UQCRH: variants seen among roughly 807,000 people sequenced by gnomAD.
UQCRH encodes cytochrome b-c1 complex subunit 6, mitochondrial.
A neutral mutation model predicts 16.3 loss-of-function variants in UQCRH; 14 were observed. The ratio of observed to expected loss-of-function variants is 0.86; its 90% CI spans 0.57 to 1.34. The LOEUF (loss-of-function observed/expected upper bound fraction) is 1.34, where lower values mean the gene tolerates loss of function less well. Ranked by LOEUF, UQCRH falls within the 40% of genes most tolerant of loss-of-function variation. The probability of loss-of-function intolerance (pLI) is 0.00; values close to 1 mark genes in which losing one functional copy is unlikely to be tolerated. For missense variants in UQCRH, 89 were observed against 111.9 expected, an observed-to-expected ratio of 0.80 and a Z score of 0.92; for synonymous variants, 41 against 41.9, an observed-to-expected ratio of 0.98 and a Z score of 0.08.
Position 46,310,168 on chromosome 1 carries a change from C to G in UQCRH, c.95C>G (p.Thr32Arg). The G allele has an allele frequency of 6.2e-7, 1 of 1,614,182 alleles. No individual in the cohort carries two copies. Among genetic ancestry groups the G allele is most frequent in the Non-Finnish European group, 8.5e-7 (1 of 1,180,040 alleles). The change falls in exon 3 of 4, where the codon ACA becomes AGA. Residue 32 changes from threonine (T) to arginine (R), a missense_variant. Transcript: ENST00000311672. ...EEEELVDPLT[T>R]VREQCEQLEK... ...TTTCTACATCAGGATCCCCTAACAA[C>G]AGTGAGAGAGCAATGCGAGCAGTTG...
At position 46,314,668 on chromosome 1, in the gene UQCRH, C is replaced by T. The variant is rs540120144; in HGVS notation, c.244-1884C>T. ...ACCCTGGGCAACAAGAGCAAAACTC[C>T]GTCTCAAAAAAAAAAAAAAAAAGGA... On this transcript the variant is annotated intron_variant, in intron 3 of 3. Coordinates refer to ENST00000311672, the MANE Select transcript of UQCRH (RefSeq NM_006004.4). Among the ~76,000 whole-genome samples the T allele has an allele frequency of 4.5e-3, 658 of 145,928 alleles. 5 individuals carry two copies. Among genetic ancestry groups the T allele is most frequent in the African/African-American group, 0.016 (626 of 39,472 alleles).
intron 3 of UQCRH, among the ~76,000 whole-genome samples, chr1:46,312,828 T>C (rs564999895): frequency 2.0e-5 from 3 of 152,202 alleles, no homozygotes; most frequent in African/African-American, 4.8e-5. Context: ...TTAAAACTAA[T>C]TGGATGGCCA....
Position 46,316,673 on chromosome 1 carries a change from GTGTAAC to G in UQCRH, c.*95_*100del. ...TGGATGTACCATTTGTTTCTTATTT[GTGTAAC>G]TGTAAGTTCACATGAACCTCATGGG... is the stretch of plus-strand genomic sequence containing the variant. On this transcript the variant is annotated 3_prime_UTR_variant, in exon 4 of 4. Coordinates refer to ENST00000311672, the MANE Select transcript of UQCRH (RefSeq NM_006004.4). 1 of 1,583,042 alleles carries G rather than the reference GTGTAAC, an allele frequency of 6.3e-7. No individual in the cohort carries two copies. The highest frequency in any genetic ancestry group is 1.4e-5 in the African/African-American group (1 of 73,540).
chr1:46,313,188 CAACAT>C (rs1661511743), intron 3 of UQCRH, among the ~76,000 whole-genome samples: 1 of 152,106 alleles, frequency 6.6e-6, no homozygotes, highest in Non-Finnish European at 1.5e-5. Flanking sequence ...AAAGTGGAAA[CAACAT>C]AAGTGTCCAT....
chr1:46,305,126 G>A (rs1026112743), intron 1 of UQCRH, among the ~76,000 whole-genome samples: 13 of 151,580 alleles, frequency 8.6e-5, no homozygotes, highest in African/African-American at 2.9e-4. Flanking sequence ...GACCAGCCTG[G>A]GCAACGTGGC....
intron 1 of UQCRH, among the ~76,000 whole-genome samples, chr1:46,308,149 G>A (rs1661408210): frequency 6.6e-6 from 1 of 152,206 alleles, no homozygotes; most frequent in African/African-American, 2.4e-5. Flanking sequence ...GTGAGATGGT[G>A]TCTCTGTCTT....
chr1:46,303,796 T>C lies in UQCRH; in HGVS notation c.30T>C (p.Leu10=). MGLEDEQKM[L]TESGDPEEEE... ...GACTGGAGGACGAGCAAAAGATGCT[T>C]ACCGAATCCGGAGATCCTGAGGAGG... The change falls in exon 1 of 4, where the codon CTT becomes CTC. Residue 10 remains leucine, a synonymous_variant. Coordinates refer to ENST00000311672, the MANE Select transcript of UQCRH (RefSeq NM_006004.4). The C allele has an allele frequency of 6.2e-7, 1 of 1,614,148 alleles. No homozygotes were observed. Among genetic ancestry groups the C allele is most frequent in the Non-Finnish European group, 8.5e-7 (1 of 1,180,016 alleles).
intron 1 of UQCRH, among the ~76,000 whole-genome samples, chr1:46,307,856 A>C (rs187473722): frequency 2.7e-4 from 41 of 152,306 alleles, no homozygotes; most frequent in Admixed American, 9.2e-4. Context: ...ATTCAAGTTC[A>C]CAGTCTAGAA....
intron 3 of UQCRH, among the ~76,000 whole-genome samples, chr1:46,311,830 G>T (rs1402437729): frequency 6.6e-6 from 1 of 150,520 alleles, no homozygotes; most frequent in Non-Finnish European, 1.5e-5. Context: ...GGGTTTCACT[G>T]TGTTAGCCAA....
chr1:46,315,519 G>A (rs1343213528), intron 3 of UQCRH, among the ~76,000 whole-genome samples: 1 of 150,116 alleles, frequency 6.7e-6, no homozygotes, highest in Non-Finnish European at 1.5e-5. Context: ...ACTTGAACCC[G>A]GGAGGCGGAG....
rs1569688537 is a variant in UQCRH, at chr1:46,309,926, C to T, written c.82-229C>T. 5 of 1,429,648 alleles carry T rather than the reference C, an allele frequency of 3.5e-6. No individual in the cohort carries two copies. In the South Asian group the frequency reaches 5.9e-5, roughly 17 times the overall value. 88.6% of individuals were successfully genotyped at this position (1,429,648 alleles called of 1,614,324 possible). Reference sequence around the variant, plus strand: ...GACTGAGGCTTTCAGTGCATACTGGCAACCTTGGAAGGCAGGAATGTGAAA... The same window carrying T: ...GACTGAGGCTTTCAGTGCATACTGGTAACCTTGGAAGGCAGGAATGTGAAA... On this transcript the variant is annotated intron_variant, in intron 2 of 3. Transcript: ENST00000311672.
At chr1:46,314,531 C>T (rs1661543065) in intron 3 of UQCRH, among the ~76,000 whole-genome samples, 1 of 151,512 alleles carries the variant, frequency 6.6e-6, no homozygotes, top group South Asian at 2.1e-4. Flanking sequence ...ATTGGCTGCG[C>T]ATGGTGGTAT....
chr1:46,315,665 T>C (rs1661571108), intron 3 of UQCRH, among the ~76,000 whole-genome samples: 1 of 151,344 alleles, frequency 6.6e-6, no homozygotes, highest in African/African-American at 2.4e-5. Context: ...GTTAGATGTA[T>C]TTTATCATAA....
intron 2 of UQCRH, 167 bp from the exon 3 acceptor site, chr1:46,309,988 G>A: frequency 6.7e-7 from 1 of 1,482,836 alleles, no homozygotes; most frequent in South Asian, 1.4e-5. Context: ...TTGAATGGGA[G>A]ACCGCATTCT....
rs1661448036 is a variant in UQCRH at position 46,310,386 on chromosome 1, T to G, written c.243+70T>G. On this transcript the variant is annotated intron_variant, in intron 3 of 3. Coordinates refer to ENST00000311672, the MANE Select transcript of UQCRH (RefSeq NM_006004.4). The stretch of plus-strand genomic sequence containing the variant: ...GGGAAGACTTGGTGCCAACAATCTT[T>G]CCATGCTAGGGAAAGGCCCATCAGT... The G allele has an allele frequency of 9.3e-6, 15 of 1,604,318 alleles. No homozygotes were observed. In the Middle Eastern group the frequency reaches 1.0e-3, roughly 107 times the overall value.
At chr1:46,315,451 G>C (rs1479434469) in intron 3 of UQCRH, among the ~76,000 whole-genome samples, 2 of 151,656 alleles carry the variant, frequency 1.3e-5, no homozygotes, top group Admixed American at 6.6e-5. Flanking sequence ...AAAATTAGCT[G>C]AGTGTGGTGG....
intron 3 of UQCRH, among the ~76,000 whole-genome samples, chr1:46,313,391 G>T (rs1041335003): frequency 6.6e-6 from 1 of 152,314 alleles, no homozygotes; most frequent in Middle Eastern, 3.4e-3. Context: ...CCCTTTGGGA[G>T]GCGGAGGCGG....
At position 46,305,298 on chromosome 1, in the gene UQCRH, C is replaced by CAAA. The variant is rs11444271; in HGVS notation, c.54+1499_54+1501dup. 4.9e-3 allele frequency among the ~76,000 whole-genome samples: 317 copies of CAAA among 64,674 alleles called. 7 individuals carry two copies. The highest frequency in any genetic ancestry group is 0.014 in the African/African-American group (210 of 14,868). The allele number at this position is 64,674 out of a possible 152,430, so 42.4% of individuals were successfully genotyped here. A position where few individuals can be genotyped will look rare whatever the true frequency, so the allele number is the denominator to read the frequency against. ...AGGCAACCCGAGTGAGACCCTGTCT[C>CAAA]AAAAAAAAAAAAAAAAAAAAAAACT... On this transcript the variant is annotated intron_variant, in intron 1 of 3. Coordinates refer to ENST00000311672, the MANE Select transcript of UQCRH (RefSeq NM_006004.4).
chr1:46,312,945 C>T (rs1394836200), intron 3 of UQCRH, among the ~76,000 whole-genome samples: 4 of 151,968 alleles, frequency 2.6e-5, no homozygotes, highest in South Asian at 2.1e-4. Context: ...AAGAAGATAA[C>T]GAGTGTTGAC....
Sources: allele counts gnomAD v4.1 joint callset (sites outside exome capture counted in the v4.1 genomes callset), GRCh38; gene constraint gnomAD v4.1.1; transcripts MANE v1.5; gene names NCBI Gene and HGNC (gene_info 2026-07-23, HGNC 2026-07-21).